Variants in FMN1 observed in about 807,000 individuals in gnomAD.
The protein encoded by FMN1 is formin 1, also known as formin-1.
In FMN1, 110 loss-of-function variants were observed where a neutral mutation model predicts 132.4. That is an observed-to-expected ratio of 0.83 (90% CI 0.71 to 0.97). The LOEUF is 0.97. Among genes scored for constraint, FMN1 ranks in the 50% least tolerant of loss-of-function variants. The pLI is 0.00. For synonymous variants in FMN1, 722 were observed against 651.7 expected (o/e 1.11, Z -1.64); for missense variants, 1,792 against 1,705.3 (o/e 1.05, Z -0.90).
chr15:32,983,020 C>G lies in FMN1; in HGVS notation c.2224-13543G>C, dbSNP rs73372984. On this transcript the variant is annotated intron_variant, in intron 7 of 20. Coordinates refer to ENST00000616417, the MANE Select transcript of FMN1 (RefSeq NM_001277313.2). Reference sequence around the variant, plus strand: ...CATTAATATATATCTATATATTTTACGTATACACGCACACATAGACGCACA... The same window carrying G: ...CATTAATATATATCTATATATTTTAGGTATACACGCACACATAGACGCACA... Among the ~76,000 whole-genome samples, 1,494 of 152,182 alleles carry G rather than the reference C, an allele frequency of 9.8e-3. 27 individuals carry two copies. Among genetic ancestry groups the G allele is most frequent in the African/African-American group, 0.035 (1,439 of 41,512 alleles).
At chr15:32,848,243 CTGAAG>C (rs2058907394) in intron 17 of FMN1, among the ~76,000 whole-genome samples, 1 of 152,096 alleles carries the variant, frequency 6.6e-6, no homozygotes, top group African/African-American at 2.4e-5. Context: ...ACGCCTGAAA[CTGAAG>C]TGATGATGGA....
At chr15:33,137,313 T>C (rs1228317734) in intron 4 of FMN1, among the ~76,000 whole-genome samples, 1 of 152,170 alleles carries the variant, frequency 6.6e-6, no homozygotes, top group East Asian at 1.9e-4. Context: ...CACTGTTGCC[T>C]GCACTCAGTA....
intron 19 of FMN1, among the ~76,000 whole-genome samples, chr15:32,782,639 T>C: frequency 6.6e-6 from 1 of 152,340 alleles, no homozygotes; most frequent in South Asian, 2.1e-4. Context: ...AGGTAAGGGC[T>C]TTTTGCATTT....
At chr15:32,963,302 G>T (rs188162338) in intron 9 of FMN1, among the ~76,000 whole-genome samples, 383 of 148,080 alleles carry the variant, frequency 2.6e-3, no homozygotes, top group Non-Finnish European at 4.1e-3. Flanking sequence ...ATGAGAACAC[G>T]TGGACACAGG....
chr15:32,942,816 A>G (rs960401562), intron 9 of FMN1, among the ~76,000 whole-genome samples: 1 of 152,224 alleles, frequency 6.6e-6, no homozygotes, highest in Admixed American at 6.5e-5. Context: ...CACATGTGCT[A>G]TCACCAATGA....
chr15:32,831,239 G>A (rs1198405294), intron 17 of FMN1, among the ~76,000 whole-genome samples: 2 of 150,524 alleles, frequency 1.3e-5, no homozygotes, highest in African/African-American at 2.5e-5. Context: ...TTTTTTTTGA[G>A]ACAGGGTTTC....
At chr15:32,973,386 C>G (rs990002523) in intron 7 of FMN1, among the ~76,000 whole-genome samples, 3 of 152,134 alleles carry the variant, frequency 2.0e-5, no homozygotes, top group African/African-American at 7.2e-5. Flanking sequence ...TGCAAACACT[C>G]AAGGTAGGGG....
chr15:32,793,472 G>C (rs1234054758), intron 19 of FMN1, among the ~76,000 whole-genome samples: 1 of 152,046 alleles, frequency 6.6e-6, no homozygotes, highest in African/African-American at 2.4e-5. Flanking sequence ...GTAGAGATGA[G>C]GTTTCACCAT....
intron 5 of FMN1, among the ~76,000 whole-genome samples, chr15:33,083,591 C>A (rs1262729794): frequency 2.0e-5 from 3 of 152,230 alleles, no homozygotes; most frequent in Non-Finnish European, 4.4e-5. Flanking sequence ...CCCTTCCAGA[C>A]CTCACCCTAT....
At chr15:32,825,272 A>T (rs1034456253) in intron 17 of FMN1, among the ~76,000 whole-genome samples, 16 of 152,280 alleles carry the variant, frequency 1.1e-4, no homozygotes, top group East Asian at 3.9e-4. Context: ...TCATTTTACA[A>T]ATTCTTTTAA....
chr15:32,881,273 T>C (rs62001320), intron 16 of FMN1, among the ~76,000 whole-genome samples: 43,437 of 151,800 alleles, frequency 0.29, 6,759 homozygotes, highest in African/African-American at 0.42. Flanking sequence ...TGCACAAACT[T>C]GTGGTACATG....
Position 33,076,367 on chromosome 15 carries a change from C to T in FMN1, c.2044-11293G>A, listed in dbSNP as rs565305913. ...ATTCCCTTCTTCTCATGCAGTAAAG[C>T]GAGGCACTTCATGGCTACTGCTATA... On this transcript the variant is annotated intron_variant, in intron 5 of 20. Coordinates refer to ENST00000616417, the MANE Select transcript of FMN1 (RefSeq NM_001277313.2). Among the ~76,000 whole-genome samples the T allele has an allele frequency of 7.2e-5, 11 of 152,200 alleles. No individual in the cohort carries two copies. The South Asian group carries it at 2.1e-3, about 29-fold the overall frequency.
chr15:32,893,416 T>C (rs549156749), intron 15 of FMN1, among the ~76,000 whole-genome samples: 8 of 152,178 alleles, frequency 5.3e-5, no homozygotes, highest in Admixed American at 2.0e-4. Context: ...AAAGGAAATG[T>C]TGCTGAGTGT....
chr15:32,882,768 C>T (rs2059801381), intron 16 of FMN1, among the ~76,000 whole-genome samples: 1 of 152,050 alleles, frequency 6.6e-6, no homozygotes, highest in South Asian at 2.1e-4. Flanking sequence ...AGTATTGGGC[C>T]TCCTGAATTT....
At chr15:32,848,229 T>C (rs2058906861) in intron 17 of FMN1, among the ~76,000 whole-genome samples, 1 of 152,102 alleles carries the variant, frequency 6.6e-6, no homozygotes, top group Non-Finnish European at 1.5e-5. Context: ...ATCACAAAAG[T>C]GTGACGCCTG....
rs544357394 is a variant in FMN1 at position 32,932,163 on chromosome 15, C to G, written c.3139-5902G>C. 1.2e-3 allele frequency among the ~76,000 whole-genome samples: 184 copies of G among 152,272 alleles called. 1 individual carries two copies. The highest frequency in any genetic ancestry group is 4.1e-3 in the African/African-American group (169 of 41,564). ...CCTGTAATCCCAGCACTTTGGGAGG[C>G]CGAGGTAGGCGGATCACTTGAGGTC... On this transcript the variant is annotated intron_variant, in intron 9 of 20. Coordinates refer to ENST00000616417, the MANE Select transcript of FMN1 (RefSeq NM_001277313.2).
intron 19 of FMN1, among the ~76,000 whole-genome samples, chr15:32,794,366 A>T (rs947978489): frequency 6.6e-6 from 1 of 152,178 alleles, no homozygotes; most frequent in African/African-American, 2.4e-5. Flanking sequence ...GCTTTGGCTC[A>T]GGGTGAATTA....
At chr15:33,018,951 A>G (rs28866011) in intron 6 of FMN1, among the ~76,000 whole-genome samples, 39,278 of 152,132 alleles carry the variant, frequency 0.26, 5,478 homozygotes, top group Non-Finnish European at 0.31. Context: ...GTTACAGCTC[A>G]TAAAGACAAT....
At chr15:33,041,419 A>T (rs1034082535) in intron 6 of FMN1, among the ~76,000 whole-genome samples, 3 of 149,808 alleles carry the variant, frequency 2.0e-5, no homozygotes, top group Non-Finnish European at 4.4e-5. Context: ...CTGGAAAAAA[A>T]TAGTTACTAT....
Sources: allele counts gnomAD v4.1 joint callset (sites outside exome capture counted in the v4.1 genomes callset), GRCh38; gene constraint gnomAD v4.1.1; transcripts MANE v1.5; gene names NCBI Gene and HGNC (gene_info 2026-07-23, HGNC 2026-07-21).